SNX32: variants seen among roughly 807,000 people sequenced by gnomAD.
SNX32 encodes sorting nexin 32.
Under a neutral mutation model 57.0 loss-of-function variants are expected in SNX32, and 58 were observed. That is an observed-to-expected ratio of 1.02 (90% confidence interval 0.82 to 1.27). SNX32 has a LOEUF of 1.27. Among genes scored for constraint, SNX32 ranks in the 50% most tolerant of loss-of-function variants. The pLI is 0.00. For missense variants in SNX32, 589 were observed against 541.2 expected (o/e 1.09, Z -0.88); for synonymous variants, 262 against 220.4 (o/e 1.19, Z -1.67).
chr11:65,847,433 G>A (rs190374330), intron 1 of SNX32, among the ~76,000 whole-genome samples: 19 of 152,132 alleles, frequency 1.2e-4, no homozygotes, highest in African/African-American at 4.3e-4. Flanking sequence ...CTGTGATGGC[G>A]CCACCAAACT....
At chr11:65,850,317 T>C (rs771012264) in intron 4 of SNX32, 46 bp downstream of exon 4, 95 of 1,613,860 alleles carry the variant, frequency 5.9e-5, no homozygotes, top group Non-Finnish European at 7.7e-5. Context: ...TCCAGATGTC[T>C]TCCCCAGCTA....
In SNX32 at chr11:65,839,215, A is replaced by ATTTTTTTTTTTTTTT. The variant is rs1555032605; in HGVS notation, c.36+5121_36+5122insTTTTTTTTTTTTTTT. On this transcript the variant is annotated intron_variant, in intron 1 of 12. Coordinates refer to ENST00000308342, the MANE Select transcript of SNX32 (RefSeq NM_152760.3). ...AGCTGTGCCCCACCACGCCCAGCTA[A>ATTTTTTTTTTTTTTT]TTTTTTTGTATTTTTTTTTTTTTTT... Among the ~76,000 whole-genome samples, 25 of 19,528 alleles carry ATTTTTTTTTTTTTTT rather than the reference A, an allele frequency of 1.3e-3. 1 individual carries two copies. The highest frequency in any genetic ancestry group is 4.6e-3 in the South Asian group (2 of 432). 12.8% of individuals were successfully genotyped at this position (19,528 alleles called of 152,430 possible).
chr11:65,834,646 CTGTG>C (rs1325362362), intron 1 of SNX32, among the ~76,000 whole-genome samples: 1 of 148,338 alleles, frequency 6.7e-6, no homozygotes, highest in Non-Finnish European at 1.5e-5. Flanking sequence ...ATGTATGCAT[CTGTG>C]TGTGTCTCTG....
intron 1 of SNX32, chr11:65,835,627 G>A (rs1312448377): frequency 1.3e-5 from 2 of 152,282 alleles, no homozygotes; most frequent in African/African-American, 2.4e-5. Context: ...TGGAGCAGCT[G>A]TGGTCCACCT....
At chr11:65,834,793 C>G (rs182857910) in intron 1 of SNX32, among the ~76,000 whole-genome samples, 2,314 of 144,658 alleles carry the variant, frequency 0.016, 25 homozygotes, top group Non-Finnish European at 0.026. Context: ...GTGTGTGTCT[C>G]TGTGTGTGTG....
intron 12 of SNX32, 90 bp from the exon 13 acceptor site, chr11:65,853,192 G>T: frequency 6.4e-7 from 1 of 1,561,504 alleles, no homozygotes; most frequent in East Asian, 2.2e-5. Flanking sequence ...GAGCAGGGGT[G>T]TGGGGAGCGA....
Position 65,851,067 on chromosome 11 carries a change from T to C in SNX32, c.616T>C (p.Phe206Leu), listed in dbSNP as rs1287350526. Residue 206 changes from phenylalanine (F) to leucine (L), a missense_variant, in exon 7 of 13, where the codon TTC (phenylalanine) becomes CTC (leucine). Phe to Leu is a conservative substitution (Grantham distance 22, BLOSUM62 0). Transcript: ENST00000308342. ...GMSGLKEVDDFFEHERTFLLE... is the reference protein window; with the variant it reads ...GMSGLKEVDDLFEHERTFLLE... ...CTGGCTCCCTTAGGAGGTGGATGAC[T>C]TCTTTGAGCATGAGAGGACCTTCCT... 1 of 1,614,050 alleles carries C rather than the reference T, an allele frequency of 6.2e-7. No homozygotes were observed. The highest frequency in any genetic ancestry group is 1.7e-5 in the Admixed American group (1 of 60,036).
At chr11:65,845,135 TAAAAAA>T (rs766803127) in intron 1 of SNX32, among the ~76,000 whole-genome samples, 2 of 101,966 alleles carry the variant, frequency 2.0e-5, no homozygotes, top group Non-Finnish European at 3.9e-5. Context: ...CCCCCTGCTT[TAAAAAA>T]AAAAAAAAAA....
intron 1 of SNX32, chr11:65,835,424 A>C (rs1858643222): frequency 6.6e-6 from 1 of 152,072 alleles, no homozygotes; most frequent in Non-Finnish European, 1.5e-5. Flanking sequence ...AGGCGAGAGA[A>C]TCCTGTTCAG....
rs1459297348 is a variant in SNX32, at chr11:65,836,414, C to T, written c.36+2313C>T. 2.0e-5 allele frequency among the ~76,000 whole-genome samples: 3 copies of T among 151,934 alleles called. No individual in the cohort carries two copies. The East Asian group carries it at 5.8e-4, about 29-fold the overall frequency. Reference sequence around the variant, plus strand: ...AAAAAATTGGCCAGACGTGGTGGTGCGCACCTGTAATCCCAACTACTTGGG... The same window carrying T: ...AAAAAATTGGCCAGACGTGGTGGTGTGCACCTGTAATCCCAACTACTTGGG... On this transcript the variant is annotated intron_variant, in intron 1 of 12. Transcript: ENST00000308342.
intron 1 of SNX32, among the ~76,000 whole-genome samples, chr11:65,839,067 G>A (rs1858747219): frequency 6.6e-6 from 1 of 150,562 alleles, no homozygotes; most frequent in Non-Finnish European, 1.5e-5. Flanking sequence ...TATTATTTTT[G>A]AGAGGGAGTC....
Position 65,849,522 on chromosome 11 carries a change from G to A in SNX32, c.81G>A (p.Gln27=). ...SVDLQGDSSL[Q]VEISDAVSER... is the part of the protein sequence containing the mutation. ...ATCTGCAGGGAGACAGCTCCTTACAGGTGGAGATTTCTGACGCAGTGAGTG... is the reference window on the plus strand; with the variant it reads ...ATCTGCAGGGAGACAGCTCCTTACAAGTGGAGATTTCTGACGCAGTGAGTG... Residue 27 remains glutamine (Q), a synonymous_variant, in exon 2 of 13, where the codon CAG becomes CAA. Coordinates refer to ENST00000308342, the MANE Select transcript of SNX32 (RefSeq NM_152760.3). 6.2e-7 allele frequency: 1 copy of A among 1,614,150 alleles called. No individual in the cohort carries two copies. The highest frequency in any genetic ancestry group is 8.5e-7 in the Non-Finnish European group (1 of 1,179,974).
At chr11:65,842,624 G>A (rs1591028516) in intron 1 of SNX32, among the ~76,000 whole-genome samples, 1 of 151,942 alleles carries the variant, frequency 6.6e-6, no homozygotes, top group Non-Finnish European at 1.5e-5. Context: ...CTGCACTCCA[G>A]CCTGGGTGAC....
intron 1 of SNX32, among the ~76,000 whole-genome samples, chr11:65,840,086 C>T (rs1040288315): frequency 6.6e-6 from 1 of 151,768 alleles, no homozygotes; most frequent in African/African-American, 2.4e-5. Flanking sequence ...ACCTGGGAGG[C>T]GGAGGTTGTG....
Position 65,853,625 on chromosome 11 carries a change from A to C in SNX32, c.*290A>C. On this transcript the variant is annotated 3_prime_UTR_variant, in exon 13 of 13. Coordinates refer to ENST00000308342, the MANE Select transcript of SNX32 (RefSeq NM_152760.3). ...TGAGGAACAGCCTCTACCCTCACCC[A>C]TAGCCCTGAAGGAATCATAGCTCAC... 1 of 513,836 alleles carries C rather than the reference A, an allele frequency of 1.9e-6. No homozygotes were observed. Among genetic ancestry groups the C allele is most frequent in the Admixed American group, 3.3e-5 (1 of 30,030 alleles). 31.8% of individuals were successfully genotyped at this position (513,836 alleles called of 1,614,324 possible). A position where few individuals can be genotyped will look rare whatever the true frequency, so the allele number is the denominator to read the frequency against.
intron 4 of SNX32, 26 bp downstream of exon 4, chr11:65,850,297 A>G: frequency 6.2e-7 from 1 of 1,614,088 alleles, no homozygotes; most frequent in Non-Finnish European, 8.5e-7. Flanking sequence ...TTTCCCTGCC[A>G]TCCCCAGAGT....
intron 1 of SNX32, chr11:65,835,813 A>C (rs537296488): frequency 9.2e-5 from 14 of 152,450 alleles, no homozygotes; most frequent in African/African-American, 3.1e-4. Context: ...AGAAGCCAAG[A>C]AATGAGGAGC....
At chr11:65,837,117 A>G (rs1036560663) in intron 1 of SNX32, among the ~76,000 whole-genome samples, 1 of 152,150 alleles carries the variant, frequency 6.6e-6, no homozygotes, top group African/African-American at 2.4e-5. Flanking sequence ...TACTATTTAA[A>G]TAATCCAAAA....
At chr11:65,844,609 A>G (rs1334322832) in intron 1 of SNX32, among the ~76,000 whole-genome samples, 1 of 152,176 alleles carries the variant, frequency 6.6e-6, no homozygotes, top group African/African-American at 2.4e-5. Context: ...TTAAACATAC[A>G]ATATGTCTTC....
Sources: allele counts gnomAD v4.1 joint callset (sites outside exome capture counted in the v4.1 genomes callset), GRCh38; gene constraint gnomAD v4.1.1; transcripts MANE v1.5; gene names NCBI Gene and HGNC (gene_info 2026-07-23, HGNC 2026-07-21).